DUSP11: variants seen among roughly 807,000 people sequenced by gnomAD.
DUSP11 encodes the protein RNA/RNP complex-1-interacting phosphatase.
Under a neutral mutation model 41.4 loss-of-function variants are expected in DUSP11, and 27 were observed. The ratio of observed to expected loss-of-function variants is 0.65; its 90% CI spans 0.48 to 0.90. The LOEUF (loss-of-function observed/expected upper bound fraction) is 0.90, where lower values mean the gene tolerates loss of function less well. Ranked by LOEUF, DUSP11 falls within the 40% of genes least tolerant of loss-of-function variation. The probability of loss-of-function intolerance (pLI) is 0.00; values close to 1 mark genes in which losing one functional copy is unlikely to be tolerated. For synonymous variants in DUSP11, 188 were observed against 159.3 expected (o/e 1.18, Z -1.35); for missense variants, 465 against 461.1 (o/e 1.01, Z -0.08).
At chr2:73,778,568 T>A (rs1271860416) in intron 1 of DUSP11, among the ~76,000 whole-genome samples, 192 bp from the exon 2 acceptor site, 1 of 152,028 alleles carries the variant, frequency 6.6e-6, no homozygotes, top group Non-Finnish European at 1.5e-5. Flanking sequence ...TGTTTCCCCA[T>A]CATAAAAACG....
chr2:73,762,440 T>C (rs1362221211), exon 9 of DUSP11: 5 of 341,644 alleles, frequency 1.5e-5, no homozygotes, highest in Non-Finnish European at 2.6e-5. Context: ...TGTCTTCTTT[T>C]AGAAAAATTT....
Position 73,769,450 on chromosome 2 carries a change from T to A in DUSP11, c.575-125A>T, listed in dbSNP as rs1173927708. 4.1e-6 allele frequency: 3 copies of A among 728,268 alleles called. No homozygotes were observed. In the East Asian group the frequency reaches 8.1e-5, roughly 20 times the overall value. 45.1% of individuals were successfully genotyped at this position (728,268 alleles called of 1,614,324 possible). On this transcript the variant is annotated intron_variant, in intron 4 of 8. Coordinates refer to ENST00000272444, the Ensembl canonical transcript of DUSP11. ...TTTTCTAGGAACATACTATAAAGAA[T>A]CATCTAACAGAAAGCCAAAACTCAC... is the stretch of plus-strand genomic sequence containing the variant.
In DUSP11 at chr2:73,766,809, T is replaced by C. The variant is rs1371819653; in HGVS notation, c.758+19A>G. The C allele has an allele frequency of 1.3e-6, 2 of 1,581,656 alleles. No individual in the cohort carries two copies. The highest frequency in any genetic ancestry group is 8.7e-7 in the Non-Finnish European group (1 of 1,151,730). On this transcript the variant is annotated intron_variant, in intron 7 of 8. Coordinates refer to ENST00000272444, the Ensembl canonical transcript of DUSP11. ...ATCTCCCTGACCCACAAATCTCACATATATAACATAAGACTTACTTTCTGA... is the reference window on the plus strand; with the variant it reads ...ATCTCCCTGACCCACAAATCTCACACATATAACATAAGACTTACTTTCTGA...
chr2:73,769,320 G>A (rs1191024174), exon 5 of DUSP11: 1 of 1,611,028 alleles, frequency 6.2e-7, no homozygotes, highest in Non-Finnish European at 8.5e-7. Context: ...ACACCAATAA[G>A]TTTATCTATA....
intron 8 of DUSP11, among the ~76,000 whole-genome samples, chr2:73,765,264 T>C (rs1021014026): frequency 3.9e-5 from 6 of 152,132 alleles, no homozygotes; most frequent in Admixed American, 1.3e-4. Context: ...GGAGCTGGAA[T>C]ACCTTACCTT....
At chr2:73,778,193 C>A (rs1018855312) in intron 2 of DUSP11, 108 bp downstream of exon 2, 1 of 688,932 alleles carries the variant, frequency 1.5e-6, no homozygotes, top group Non-Finnish European at 2.4e-6. Context: ...GGGGTCATTA[C>A]AAAGTATTTG....
exon 1 of DUSP11, chr2:73,780,073 G>T: frequency 6.3e-7 from 1 of 1,596,670 alleles, no homozygotes; most frequent in South Asian, 1.1e-5. Flanking sequence ...GAAAAGACTC[G>T]GCAGCCACCT....
At chr2:73,779,701 A>C (rs1311613274) in intron 1 of DUSP11, 173 bp downstream of exon 1, 1 of 936,048 alleles carries the variant, frequency 1.1e-6, no homozygotes, top group Non-Finnish European at 1.6e-6. Flanking sequence ...GACATCACAG[A>C]CATCGCCCCT....
intron 4 of DUSP11, among the ~76,000 whole-genome samples, chr2:73,769,575 T>C (rs960260493): frequency 1.3e-5 from 2 of 152,228 alleles, no homozygotes; most frequent in African/African-American, 4.8e-5. Context: ...GACAAACCCG[T>C]CTATCTTAAA....
chr2:73,775,011 A>C, exon 3 of DUSP11: 1 of 1,612,428 alleles, frequency 6.2e-7, no homozygotes, highest in Non-Finnish European at 8.5e-7. Flanking sequence ...AAAGGGGAAA[A>C]GCATTCTTCT....
rs551148294 is a variant in DUSP11 at position 73,772,401 on chromosome 2, C to T, written c.574+1399G>A. Among the ~76,000 whole-genome samples, 7 of 152,268 alleles carry T rather than the reference C, an allele frequency of 4.6e-5. No individual in the cohort carries two copies. In the East Asian group the frequency reaches 1.2e-3, roughly 25 times the overall value. On this transcript the variant is annotated intron_variant, in intron 4 of 8. Transcript: ENST00000272444. Reference sequence around the variant, plus strand: ...AACTGATTATAAACAAGGTCCCAAGCCTGCTATGGCAGTGAGTACTGCAAG... The same window carrying T: ...AACTGATTATAAACAAGGTCCCAAGTCTGCTATGGCAGTGAGTACTGCAAG...
At position 73,773,782 on chromosome 2, in the gene DUSP11, G is replaced by A. The variant is rs1672629689; in HGVS notation, c.574+18C>T. 6.3e-7 allele frequency: 1 copy of A among 1,597,856 alleles called. No individual in the cohort carries two copies. Among genetic ancestry groups the A allele is most frequent in the South Asian group, 1.1e-5 (1 of 87,828 alleles). ...ATTCATAATGCACACCACAGTTCAGGTAAGAACAAAAACTCACCATTATCT... is the reference window on the plus strand; with the variant it reads ...ATTCATAATGCACACCACAGTTCAGATAAGAACAAAAACTCACCATTATCT... On this transcript the variant is annotated intron_variant, in intron 4 of 8. Transcript: ENST00000272444.
chr2:73,762,427 T>C, exon 9 of DUSP11: 1 of 320,058 alleles, frequency 3.1e-6, no homozygotes, highest in South Asian at 1.2e-4. Flanking sequence ...AGTTCTAAAA[T>C]ATTGTCTTCT....
intron 7 of DUSP11, 109 bp downstream of exon 7, chr2:73,766,718 TC>T: frequency 7.4e-7 from 1 of 1,354,160 alleles, no homozygotes; most frequent in Non-Finnish European, 1.0e-6. Flanking sequence ...TGTTTACATC[TC>T]CCCCCAACAA....
At chr2:73,766,037 C>T (rs1425978093) in intron 8 of DUSP11, among the ~76,000 whole-genome samples, 3 of 152,192 alleles carry the variant, frequency 2.0e-5, no homozygotes, top group Non-Finnish European at 2.9e-5. Context: ...CGGCCAGGCG[C>T]GGTGGCTCAC....
At chr2:73,777,708 T>A (rs935169638) in intron 2 of DUSP11, among the ~76,000 whole-genome samples, 6 of 152,212 alleles carry the variant, frequency 3.9e-5, no homozygotes, top group African/African-American at 1.2e-4. Flanking sequence ...TACAAATGTG[T>A]CCCACATCCT....
chr2:73,774,955 C>T, exon 3 of DUSP11: 1 of 1,611,050 alleles, frequency 6.2e-7, no homozygotes, highest in South Asian at 1.1e-5. Flanking sequence ...AATCAATAAT[C>T]AGTCCAAGTT....
intron 1 of DUSP11, among the ~76,000 whole-genome samples, chr2:73,779,266 G>A (rs1672745953): frequency 6.6e-6 from 1 of 152,344 alleles, no homozygotes; most frequent in South Asian, 2.1e-4. Flanking sequence ...GAAAGTGACA[G>A]TCAAAAGATA....
At chr2:73,779,249 A>G (rs139832237) in intron 1 of DUSP11, among the ~76,000 whole-genome samples, 32 of 152,368 alleles carry the variant, frequency 2.1e-4, no homozygotes, top group African/African-American at 7.7e-4. Context: ...GTATTAGGGT[A>G]CTGACAGAAA....
Sources: allele counts gnomAD v4.1 joint callset (sites outside exome capture counted in the v4.1 genomes callset), GRCh38; gene constraint gnomAD v4.1.1; transcripts MANE v1.5; gene names NCBI Gene and HGNC (gene_info 2026-07-23, HGNC 2026-07-21).